Variants in FGF14 observed in about 807,000 individuals in gnomAD.
FGF14 encodes the protein fibroblast growth factor 14.
In FGF14, 5 loss-of-function variants were observed where a neutral mutation model predicts 25.5. The observed-to-expected ratio is 0.20, with a 90% CI of 0.10 to 0.41. The LOEUF (loss-of-function observed/expected upper bound fraction) is 0.41, where lower values mean the gene tolerates loss of function less well. Among genes scored for constraint, FGF14 ranks in the 10% least tolerant of loss-of-function variants. FGF14 has a pLI of 1.00. For synonymous variants in FGF14, 138 were observed against 118.3 expected (o/e 1.17, Z -1.08); for missense variants, 222 against 320.1 (o/e 0.69, Z 2.34).
intron 1 of FGF14, among the ~76,000 whole-genome samples, chr13:102,280,548 G>A (rs1316454426): frequency 6.6e-6 from 1 of 152,154 alleles, no homozygotes; most frequent in Non-Finnish European, 1.5e-5. Flanking sequence ...TGTGGAAAAG[G>A]AGGTCAATTT....
intron 1 of FGF14, among the ~76,000 whole-genome samples, chr13:102,390,492 G>C (rs1285962295): frequency 6.6e-6 from 1 of 152,192 alleles, no homozygotes; most frequent in Non-Finnish European, 1.5e-5. Flanking sequence ...ATCCTTTCTA[G>C]AGCGGTAGCT....
chr13:101,971,456 C>T (rs962922351), intron 1 of FGF14, among the ~76,000 whole-genome samples: 15 of 152,038 alleles, frequency 9.9e-5, no homozygotes, highest in Non-Finnish European at 1.8e-4. Flanking sequence ...CTGCAACCTC[C>T]GCCTCCCAGG....
In FGF14 at chr13:101,872,157, T is replaced by C. The variant is rs925273601; in HGVS notation, c.304+3029A>G. On this transcript the variant is annotated intron_variant, in intron 2 of 4. Coordinates refer to ENST00000376143, the MANE Select transcript of FGF14 (RefSeq NM_004115.4). ...GCCCTCAATTTTGTTATTTAGTGACTTTAACAGTGCTATCTGGGTGAGTTT... is the reference window on the plus strand; with the variant it reads ...GCCCTCAATTTTGTTATTTAGTGACCTTAACAGTGCTATCTGGGTGAGTTT... 5.9e-5 allele frequency among the ~76,000 whole-genome samples: 9 copies of C among 151,946 alleles called. No homozygotes were observed. The South Asian group carries it at 1.9e-3, about 32-fold the overall frequency.
chr13:101,761,892 C>T lies in FGF14; in HGVS notation c.409-35082G>A, dbSNP rs141929593. On this transcript the variant is annotated intron_variant, in intron 3 of 4. Transcript: ENST00000376143. ...TAAAATCACAATTAAAGGCTCCCAT[C>T]TCTGGGAACACAAACCAACACAAGA... Among the ~76,000 whole-genome samples the T allele has an allele frequency of 5.9e-3, 896 of 152,284 alleles. 9 individuals carry two copies. The highest frequency in any genetic ancestry group is 0.021 in the African/African-American group (862 of 41,542).
chr13:102,350,917 A>C (rs1262279190), intron 1 of FGF14, among the ~76,000 whole-genome samples: 1 of 152,132 alleles, frequency 6.6e-6, no homozygotes, highest in Non-Finnish European at 1.5e-5. Context: ...AGGTCATTCC[A>C]ACCTAACTTG....
rs74364418 is a variant in FGF14, at chr13:101,831,637, T to C, written c.408+37088A>G. Among the ~76,000 whole-genome samples, 358 of 152,244 alleles carry C rather than the reference T, an allele frequency of 2.4e-3. 1 individual carries two copies. The highest frequency in any genetic ancestry group is 8.1e-3 in the African/African-American group (338 of 41,564). On this transcript the variant is annotated intron_variant, in intron 3 of 4. Coordinates refer to ENST00000376143, the MANE Select transcript of FGF14 (RefSeq NM_004115.4). ...TGTTGTCTCAAGAATTTTCTAAATT[T>C]GAGAATTCATTATTCACTCATTTAG...
intron 3 of FGF14, among the ~76,000 whole-genome samples, chr13:101,860,915 T>C (rs1304791720): frequency 2.0e-5 from 3 of 152,122 alleles, no homozygotes; most frequent in East Asian, 1.9e-4. Context: ...CCTTCATATA[T>C]TATTAGCATC....
chr13:102,167,304 C>T (rs2048054838), intron 1 of FGF14, among the ~76,000 whole-genome samples: 1 of 123,798 alleles, frequency 8.1e-6, no homozygotes. Flanking sequence ...CACCATTGCA[C>T]TCCATCTCAA....
At chr13:102,200,907 C>T (rs1448994980) in intron 1 of FGF14, among the ~76,000 whole-genome samples, 1 of 151,886 alleles carries the variant, frequency 6.6e-6, no homozygotes, top group East Asian at 1.9e-4. Context: ...TCGAGACCAT[C>T]TTGGCTAACA....
upstream of FGF14, among the ~76,000 whole-genome samples, chr13:101,920,241 C>G (rs1413630452): frequency 2.6e-5 from 4 of 152,274 alleles, no homozygotes; most frequent in South Asian, 8.3e-4. Context: ...CTCATCAGAA[C>G]CTCCTTGGAG....
intron 3 of FGF14, among the ~76,000 whole-genome samples, chr13:101,790,937 A>C (rs1250148737): frequency 6.6e-6 from 1 of 152,200 alleles, no homozygotes; most frequent in Non-Finnish European, 1.5e-5. Flanking sequence ...TTTGTGCCAA[A>C]GATATAGGTG....
At chr13:102,231,092 T>C (rs2051065217) in intron 1 of FGF14, among the ~76,000 whole-genome samples, 1 of 152,236 alleles carries the variant, frequency 6.6e-6, no homozygotes, top group Non-Finnish European at 1.5e-5. Flanking sequence ...TACTTTGATA[T>C]CTGTCAATCT....
chr13:102,152,222 T>G (rs972845578), intron 1 of FGF14, among the ~76,000 whole-genome samples: 4 of 152,232 alleles, frequency 2.6e-5, no homozygotes, highest in African/African-American at 9.6e-5. Context: ...CATTAGAAAT[T>G]TAAGACTTGG....
At chr13:101,796,714 G>C (rs941605001) in intron 3 of FGF14, among the ~76,000 whole-genome samples, 4 of 152,054 alleles carry the variant, frequency 2.6e-5, no homozygotes, top group African/African-American at 9.7e-5. Context: ...GAGTGAAGGA[G>C]AGAGGCCTCA....
chr13:102,116,503 C>G (rs1194680128), intron 1 of FGF14, among the ~76,000 whole-genome samples: 1 of 152,058 alleles, frequency 6.6e-6, no homozygotes, highest in Non-Finnish European at 1.5e-5. Flanking sequence ...AAATAAATTT[C>G]TGATGTTATG....
chr13:101,753,300 C>CAG (rs1433744282), intron 3 of FGF14, among the ~76,000 whole-genome samples: 2 of 9,064 alleles, frequency 2.2e-4, no homozygotes, highest in Non-Finnish European at 5.3e-4. Context: ...CACAGACAGA[C>CAG]ACACACACAC....
At chr13:101,947,643 C>T (rs1419275056) in intron 1 of FGF14, among the ~76,000 whole-genome samples, 6 of 152,086 alleles carry the variant, frequency 3.9e-5, no homozygotes, top group Admixed American at 3.9e-4. Context: ...ATTGAGTACA[C>T]ATGGGCAAAA....
intron 1 of FGF14, among the ~76,000 whole-genome samples, chr13:102,163,841 A>C (rs111409469): frequency 2.5e-3 from 384 of 151,556 alleles, no homozygotes; most frequent in Non-Finnish European, 3.7e-3. Context: ...TGCCCCCCCC[A>C]GAAAACATTC....
At chr13:101,800,033 T>G (rs940350393) in intron 3 of FGF14, among the ~76,000 whole-genome samples, 3 of 152,008 alleles carry the variant, frequency 2.0e-5, no homozygotes, top group Non-Finnish European at 4.4e-5. Flanking sequence ...CCTACCTACT[T>G]CTCCACAGAC....
Sources: gnomAD v4.1 joint callset for allele counts (sites outside exome capture counted in the v4.1 genomes callset) on GRCh38, gnomAD v4.1.1 for gene constraint, MANE v1.5 for transcripts, NCBI Gene and HGNC (gene_info 2026-07-23, HGNC 2026-07-21) for gene names.